The following CCSER1 variants were observed in gnomAD, a reference collection of about 807,000 sequenced individuals.
The protein encoded by CCSER1 is serine-rich coiled-coil domain-containing protein 1.
In CCSER1, 41 loss-of-function variants were observed where a neutral mutation model predicts 82.0. The observed-to-expected ratio is 0.50, with a 90% confidence interval of 0.39 to 0.65. The LOEUF is 0.65. CCSER1 is among the 30% of genes least tolerant of loss of function. The probability of loss-of-function intolerance (pLI) is 0.00; values close to 1 mark genes in which losing one functional copy is unlikely to be tolerated. For synonymous variants in CCSER1, 414 were observed against 383.9 expected, an observed-to-expected ratio of 1.08 and a Z score of -0.92; for missense variants, 1,119 against 1,064.2, an observed-to-expected ratio of 1.05 and a Z score of -0.72.
chr4:91,315,753 T>C (rs886846973), intron 10 of CCSER1, among the ~76,000 whole-genome samples: 2 of 152,054 alleles, frequency 1.3e-5, no homozygotes, highest in African/African-American at 4.8e-5. Flanking sequence ...CAATGAATAC[T>C]ACAGCATAGC....
intron 5 of CCSER1, among the ~76,000 whole-genome samples, chr4:90,502,526 T>G (rs1770058067): frequency 6.6e-6 from 1 of 152,086 alleles, no homozygotes. Context: ...GCACAGCAAA[T>G]TGTACATAAG....
intron 10 of CCSER1, among the ~76,000 whole-genome samples, chr4:91,502,330 T>A (rs1436898754): frequency 6.6e-6 from 1 of 152,232 alleles, no homozygotes; most frequent in African/African-American, 2.4e-5. Context: ...CTCTCATTTT[T>A]AATTATTATT....
At chr4:91,123,359 CT>C (rs1313451168) in intron 10 of CCSER1, among the ~76,000 whole-genome samples, 2 of 151,588 alleles carry the variant, frequency 1.3e-5, no homozygotes, top group Admixed American at 6.6e-5. Flanking sequence ...AAATAGTCTA[CT>C]TTTTTTCCAT....
At position 91,598,805 on chromosome 4, in the gene CCSER1, T is replaced by C. The variant is rs1311759275; in HGVS notation, c.2451T>C (p.Val817=). The change falls in exon 11 of 11, where the codon GTT becomes GTC. Residue 817 remains valine (V), a synonymous_variant. Coordinates refer to ENST00000509176, the MANE Select transcript of CCSER1 (RefSeq NM_001145065.2). ...RGTYETLTSD[V]TQNLRATVGQ... ...CTTATGAAACCCTCACTTCAGACGT[T>C]ACACAGAACTTACGGGCCACCGTTG... 7 of 1,551,494 alleles carry C rather than the reference T, an allele frequency of 4.5e-6. No individual in the cohort carries two copies. The African/African-American group carries it at 9.6e-5, about 21-fold the overall frequency.
At chr4:91,017,421 A>G (rs1739529211) in intron 9 of CCSER1, 1 of 152,102 alleles carries the variant, frequency 6.6e-6, no homozygotes. Context: ...TTTAACTTCT[A>G]TTTTTAAGTT....
chr4:90,142,033 G>A (rs1428182218), intron 1 of CCSER1, among the ~76,000 whole-genome samples: 3 of 152,152 alleles, frequency 2.0e-5, no homozygotes, highest in African/African-American at 4.8e-5. Context: ...GTAGCATAGA[G>A]TAATAAACAT....
intron 10 of CCSER1, among the ~76,000 whole-genome samples, chr4:91,205,053 A>C (rs934334426): frequency 2.0e-5 from 3 of 151,776 alleles, no homozygotes; most frequent in African/African-American, 7.2e-5. Flanking sequence ...ATTATTATAC[A>C]TAAACATGTT....
At chr4:90,391,166 G>A (rs1378762846) in intron 3 of CCSER1, among the ~76,000 whole-genome samples, 10 of 148,646 alleles carry the variant, frequency 6.7e-5, no homozygotes, top group African/African-American at 1.0e-4. Context: ...CCAGCTACTC[G>A]GGAGGCTGAG....
At position 90,275,671 on chromosome 4, in the gene CCSER1, T is replaced by G. The variant is rs184690610; in HGVS notation, c.-41-32573T>G. Among the ~76,000 whole-genome samples, 392 of 152,294 alleles carry G rather than the reference T, an allele frequency of 2.6e-3. 2 individuals carry two copies. Among genetic ancestry groups the G allele is most frequent in the African/African-American group, 8.5e-3 (353 of 41,566 alleles). On this transcript the variant is annotated intron_variant, in intron 1 of 10. Coordinates refer to ENST00000509176, the MANE Select transcript of CCSER1 (RefSeq NM_001145065.2). Reference sequence around the variant, plus strand: ...AGATTGTATATTCATGAAGCAGATCTTGCTTGTTAGTCTAAATTTGCTATT... The same window carrying G: ...AGATTGTATATTCATGAAGCAGATCGTGCTTGTTAGTCTAAATTTGCTATT...
intron 1 of CCSER1, among the ~76,000 whole-genome samples, chr4:90,271,753 A>G (rs1009252817): frequency 1.5e-4 from 22 of 145,696 alleles, no homozygotes; most frequent in African/African-American, 5.4e-4. Context: ...CTGACAAGGA[A>G]TTAATAACCA....
At chr4:90,769,573 C>T (rs890986063) in intron 7 of CCSER1, among the ~76,000 whole-genome samples, 1 of 152,156 alleles carries the variant, frequency 6.6e-6, no homozygotes, top group Non-Finnish European at 1.5e-5. Context: ...GCCATTCCCC[C>T]CTTTCTGAAC....
chr4:90,333,194 G>GT (rs1183447552), intron 3 of CCSER1, among the ~76,000 whole-genome samples: 1 of 152,106 alleles, frequency 6.6e-6, no homozygotes, highest in Non-Finnish European at 1.5e-5. Context: ...TGATCACTTG[G>GT]TAAAGAAAGT....
At chr4:90,547,126 A>G (rs913186840) in intron 5 of CCSER1, among the ~76,000 whole-genome samples, 1 of 151,816 alleles carries the variant, frequency 6.6e-6, no homozygotes, top group Non-Finnish European at 1.5e-5. Flanking sequence ...TTCATATGAG[A>G]TAAGTTTTAG....
At chr4:90,606,162 A>G (rs1784675905) in intron 5 of CCSER1, among the ~76,000 whole-genome samples, 1 of 151,668 alleles carries the variant, frequency 6.6e-6, no homozygotes, top group South Asian at 2.1e-4. Context: ...TGTTATTAAT[A>G]AGTTATGGCC....
intron 10 of CCSER1, among the ~76,000 whole-genome samples, chr4:91,315,156 T>A (rs1262236758): frequency 8.8e-6 from 1 of 113,232 alleles, no homozygotes; most frequent in African/African-American, 2.8e-5. Flanking sequence ...TGCAAGTGTG[T>A]GTGTGTGTGT....
chr4:91,527,672 A>C (rs1396571039), intron 10 of CCSER1, among the ~76,000 whole-genome samples: 1 of 152,184 alleles, frequency 6.6e-6, no homozygotes, highest in Non-Finnish European at 1.5e-5. Context: ...CTGTGATAGA[A>C]TATTAAAGAA....
At chr4:90,778,723 C>T (rs1257556168) in intron 7 of CCSER1, among the ~76,000 whole-genome samples, 1 of 151,952 alleles carries the variant, frequency 6.6e-6, no homozygotes, top group Non-Finnish European at 1.5e-5. Flanking sequence ...AGGCACCCTG[C>T]ATCCCTCAAG....
At chr4:90,995,585 T>C (rs1413637988) in intron 9 of CCSER1, among the ~76,000 whole-genome samples, 4 of 152,144 alleles carry the variant, frequency 2.6e-5, no homozygotes, top group Non-Finnish European at 5.9e-5. Flanking sequence ...TAAACTGAGA[T>C]TACTTTCTAC....
chr4:90,603,190 G>A (rs1784232244), intron 5 of CCSER1, among the ~76,000 whole-genome samples: 1 of 152,230 alleles, frequency 6.6e-6, no homozygotes, highest in African/African-American at 2.4e-5. Flanking sequence ...AGCGTATGCA[G>A]TGGCTGGAGG....
Sources: gnomAD v4.1 joint callset for allele counts (sites outside exome capture counted in the v4.1 genomes callset) on GRCh38, gnomAD v4.1.1 for gene constraint, MANE v1.5 for transcripts, NCBI Gene and HGNC (gene_info 2026-07-23, HGNC 2026-07-21) for gene names.